The following SLC24A4 variants were observed in gnomAD, a reference collection of about 807,000 sequenced individuals.
SLC24A4 encodes the protein solute carrier family 24 member 4.
In SLC24A4, 53 loss-of-function variants were observed where a neutral mutation model predicts 79.0. That is an observed-to-expected ratio of 0.67 (90% CI 0.54 to 0.84). SLC24A4 has a LOEUF of 0.84. Among genes scored for constraint, SLC24A4 ranks in the 40% least tolerant of loss-of-function variants. The pLI is 0.00. For missense variants in SLC24A4, 731 were observed against 822.0 expected, an observed-to-expected ratio of 0.89 and a Z score of 1.35; for synonymous variants, 323 against 323.8, an observed-to-expected ratio of 1.00 and a Z score of 0.03.
At chr14:92,365,073 G>A (rs767720711) in intron 2 of SLC24A4, among the ~76,000 whole-genome samples, 38 of 152,160 alleles carry the variant, frequency 2.5e-4, no homozygotes, top group Non-Finnish European at 3.5e-4. Flanking sequence ...GGCCTGAAGC[G>A]GGCTCTCCTC....
chr14:92,435,414 G>A (rs1375243585), intron 3 of SLC24A4, among the ~76,000 whole-genome samples: 1 of 152,198 alleles, frequency 6.6e-6, no homozygotes, highest in African/African-American at 2.4e-5. Flanking sequence ...GCAGAGCTGA[G>A]TCCATGCATC....
intron 12 of SLC24A4, among the ~76,000 whole-genome samples, chr14:92,463,473 A>T (rs1318960617): frequency 6.6e-6 from 1 of 151,980 alleles, no homozygotes; most frequent in East Asian, 1.9e-4. Flanking sequence ...AGTGAAAATG[A>T]TTTTGTTCTT....
At chr14:92,461,532 G>C (rs1436479126) in intron 12 of SLC24A4, among the ~76,000 whole-genome samples, 1 of 152,144 alleles carries the variant, frequency 6.6e-6, no homozygotes, top group Non-Finnish European at 1.5e-5. Flanking sequence ...TTTTGTTCAC[G>C]TGGCCTTGTT....
intron 2 of SLC24A4, among the ~76,000 whole-genome samples, chr14:92,416,699 G>A (rs1487361266): frequency 6.6e-6 from 1 of 152,174 alleles, no homozygotes; most frequent in Non-Finnish European, 1.5e-5. Flanking sequence ...AAACCTCACG[G>A]TGCTTTTGTG....
intron 12 of SLC24A4, among the ~76,000 whole-genome samples, chr14:92,467,707 A>G (rs1894199549): frequency 6.6e-6 from 1 of 152,146 alleles, no homozygotes; most frequent in Non-Finnish European, 1.5e-5. Context: ...TAGGAGGTAA[A>G]GGCCTGCCTA....
intron 10 of SLC24A4, among the ~76,000 whole-genome samples, chr14:92,449,810 C>T (rs1893033948): frequency 6.6e-6 from 1 of 152,250 alleles, no homozygotes; most frequent in South Asian, 2.1e-4. Flanking sequence ...GGGCAGCAGC[C>T]TCGTCTCCCC....
intron 2 of SLC24A4, among the ~76,000 whole-genome samples, chr14:92,368,382 A>G (rs1053231498): frequency 6.6e-6 from 1 of 152,172 alleles, no homozygotes; most frequent in Non-Finnish European, 1.5e-5. Flanking sequence ...TGCCTCATTT[A>G]GGAGATTTGG....
chr14:92,326,641 G>A (rs1212796367), intron 2 of SLC24A4, among the ~76,000 whole-genome samples: 1 of 152,210 alleles, frequency 6.6e-6, no homozygotes. Flanking sequence ...GGAGAAGACA[G>A]CGTATTGGCA....
chr14:92,338,350 G>A (rs1165220997), intron 2 of SLC24A4, among the ~76,000 whole-genome samples: 2 of 152,314 alleles, frequency 1.3e-5, no homozygotes, highest in East Asian at 1.9e-4. Flanking sequence ...GATTACTACT[G>A]TTTGCCTGAC....
intron 2 of SLC24A4, among the ~76,000 whole-genome samples, chr14:92,431,186 G>A (rs984918140): frequency 6.6e-6 from 1 of 152,176 alleles, no homozygotes; most frequent in Non-Finnish European, 1.5e-5. Context: ...GGAGTTGTGG[G>A]GACAGAATGG....
intron 12 of SLC24A4, among the ~76,000 whole-genome samples, chr14:92,476,273 C>T (rs759727533): frequency 4.6e-5 from 7 of 152,188 alleles, no homozygotes; most frequent in African/African-American, 1.4e-4. Flanking sequence ...GATGTGGACT[C>T]ACCAGAGAAG....
intron 12 of SLC24A4, among the ~76,000 whole-genome samples, chr14:92,480,889 C>T (rs1434847637): frequency 6.6e-6 from 1 of 152,126 alleles, no homozygotes; most frequent in Admixed American, 6.5e-5. Context: ...ATTATTGTTG[C>T]TTGTTTAGTG....
rs146909964 is a variant in SLC24A4, at chr14:92,444,461, C to T, written c.658-856C>T. Among the ~76,000 whole-genome samples the T allele has an allele frequency of 4.0e-4, 61 of 152,278 alleles. 1 individual carries two copies. The East Asian group carries it at 0.011, about 28-fold the overall frequency. The stretch of plus-strand genomic sequence containing the variant: ...TAATGAATGACTGCTGATAAAATTC[C>T]AAACAGAGCAAAGTATAATCATTCC... On this transcript the variant is annotated intron_variant, in intron 7 of 16. Transcript: ENST00000532405.
intron 3 of SLC24A4, among the ~76,000 whole-genome samples, chr14:92,436,214 A>T (rs1892156993): frequency 2.0e-5 from 3 of 152,176 alleles, no homozygotes; most frequent in African/African-American, 7.2e-5. Context: ...GAGCAGGGAA[A>T]ACTGCCTTAT....
rs949152416 is a variant in SLC24A4 at position 92,500,427 on chromosome 14, C to T, written c.*6799C>T. 4 of 152,216 alleles carry T rather than the reference C, an allele frequency of 2.6e-5. No homozygotes were observed. Among genetic ancestry groups the T allele is most frequent in the African/African-American group, 7.2e-5 (3 of 41,454 alleles). The allele number at this position is 152,216 out of a possible 1,614,324, so 9.4% of individuals were successfully genotyped here. ...GTCCATTCAGGACAGACGCGCAGTCCTCTTTCAATGGAAGAAGAGAGGACT... is the reference window on the plus strand; with the variant it reads ...GTCCATTCAGGACAGACGCGCAGTCTTCTTTCAATGGAAGAAGAGAGGACT... On this transcript the variant is annotated 3_prime_UTR_variant, in exon 17 of 17. Coordinates refer to ENST00000532405, the MANE Select transcript of SLC24A4 (RefSeq NM_153646.4).
intron 12 of SLC24A4, chr14:92,462,359 C>T (rs1893864839): frequency 1.3e-5 from 2 of 152,182 alleles, no homozygotes; most frequent in African/African-American, 4.8e-5. Flanking sequence ...GCACTAAGTA[C>T]TTACTCTGGG....
intron 2 of SLC24A4, among the ~76,000 whole-genome samples, chr14:92,362,144 A>T (rs1162677212): frequency 1.3e-5 from 2 of 152,056 alleles, no homozygotes; most frequent in East Asian, 3.9e-4. Flanking sequence ...CTGCACTAAA[A>T]TGCAAACCCC....
chr14:92,342,311 T>TGG (rs66586546), intron 2 of SLC24A4, among the ~76,000 whole-genome samples: 9 of 145,804 alleles, frequency 6.2e-5, no homozygotes, highest in African/African-American at 2.0e-4. Flanking sequence ...GGTGGGGCTG[T>TGG]GGGGGGGGGG....
intron 2 of SLC24A4, among the ~76,000 whole-genome samples, chr14:92,345,659 GC>G (rs1886482578): frequency 6.6e-6 from 1 of 152,100 alleles, no homozygotes; most frequent in Non-Finnish European, 1.5e-5. Context: ...CCGAGATGGT[GC>G]CACTGCACTG....
Sources: gnomAD v4.1 joint callset for allele counts (sites outside exome capture counted in the v4.1 genomes callset) on GRCh38, gnomAD v4.1.1 for gene constraint, MANE v1.5 for transcripts, NCBI Gene and HGNC (gene_info 2026-07-23, HGNC 2026-07-21) for gene names.